Variants in CACNA2D3 observed in about 807,000 individuals in gnomAD.
The protein encoded by CACNA2D3 is voltage-dependent calcium channel subunit alpha-2/delta-3.
Under a neutral mutation model 160.6 loss-of-function variants are expected in CACNA2D3, and 60 were observed. The ratio of observed to expected loss-of-function variants is 0.37; its 90% CI spans 0.30 to 0.46. The LOEUF is 0.46. CACNA2D3 is among the 20% of genes least tolerant of loss of function. CACNA2D3 has a pLI of 1.00. For missense variants in CACNA2D3, 1,205 were observed against 1,365.0 expected, an observed-to-expected ratio of 0.88 and a Z score of 1.85; for synonymous variants, 558 against 492.9, an observed-to-expected ratio of 1.13 and a Z score of -1.75.
At chr3:54,138,132 C>T (rs1230183926) in intron 2 of CACNA2D3, among the ~76,000 whole-genome samples, 1 of 152,174 alleles carries the variant, frequency 6.6e-6, no homozygotes. Flanking sequence ...TGTGACTTGC[C>T]CAGGGCAACA....
At chr3:54,642,276 T>C (rs765741343) in intron 11 of CACNA2D3, 35 bp downstream of exon 11, 1 of 1,255,466 alleles carries the variant, frequency 8.0e-7, no homozygotes, top group East Asian at 2.5e-5. Context: ...TGCGGTGGAC[T>C]CCTTGAGAAT....
chr3:54,646,184 CTCCTTCCTTGCTTCCTTCCTTCCTTCCT>C (rs1174578115), intron 11 of CACNA2D3, among the ~76,000 whole-genome samples: 467 of 14,890 alleles, frequency 0.031, 28 homozygotes, highest in African/African-American at 0.092. Flanking sequence ...CCCTCCCTCC[CTCCTTCCTTGCTTCCTTCCTTCCTTCCT>C]TCCTTCCTTC....
intron 2 of CACNA2D3, among the ~76,000 whole-genome samples, chr3:54,188,089 G>T (rs1319005349): frequency 6.6e-6 from 1 of 152,152 alleles, no homozygotes; most frequent in East Asian, 1.9e-4. Context: ...CCAACCAGCT[G>T]CTCAGAACAC....
At chr3:54,285,002 G>A (rs1008208580) in intron 2 of CACNA2D3, among the ~76,000 whole-genome samples, 7 of 152,206 alleles carry the variant, frequency 4.6e-5, no homozygotes, top group Non-Finnish European at 1.0e-4. Flanking sequence ...CCCAGCATGA[G>A]CGATGCAGAA....
At chr3:54,643,143 G>A (rs751475048) in intron 11 of CACNA2D3, among the ~76,000 whole-genome samples, 9 of 152,138 alleles carry the variant, frequency 5.9e-5, no homozygotes, top group Non-Finnish European at 7.4e-5. Context: ...ATAGGTACAC[G>A]AGTCAGTCCA....
At chr3:54,465,974 C>T (rs1223511789) in intron 4 of CACNA2D3, among the ~76,000 whole-genome samples, 3 of 152,226 alleles carry the variant, frequency 2.0e-5, no homozygotes, top group East Asian at 1.9e-4. Context: ...TGAGGTCCCC[C>T]CTGCCTTGCT....
At chr3:54,997,191 A>G (rs1021348108) in intron 31 of CACNA2D3, among the ~76,000 whole-genome samples, 3 of 152,184 alleles carry the variant, frequency 2.0e-5, no homozygotes, top group Non-Finnish European at 4.4e-5. Context: ...AATAAAATAA[A>G]TAAAGTCCAG....
At chr3:54,673,103 G>C (rs1700188189) in intron 11 of CACNA2D3, among the ~76,000 whole-genome samples, 1 of 152,202 alleles carries the variant, frequency 6.6e-6, no homozygotes, top group Admixed American at 6.5e-5. Flanking sequence ...TGTCTTTGGA[G>C]ATGGAATCAA....
intron 13 of CACNA2D3, among the ~76,000 whole-genome samples, chr3:54,808,343 C>G (rs1327317988): frequency 2.0e-5 from 3 of 152,182 alleles, no homozygotes; most frequent in African/African-American, 4.8e-5. Context: ...GTGCTGAGCT[C>G]TGCCATGTCA....
At chr3:54,825,292 G>A (rs908968405) in intron 14 of CACNA2D3, among the ~76,000 whole-genome samples, 4 of 152,152 alleles carry the variant, frequency 2.6e-5, no homozygotes, top group African/African-American at 9.7e-5. Context: ...GTAGAGGATC[G>A]AGGAAAGTTA....
intron 26 of CACNA2D3, among the ~76,000 whole-genome samples, chr3:54,898,346 C>T (rs556923927): frequency 1.4e-4 from 22 of 151,812 alleles, no homozygotes; most frequent in African/African-American, 4.6e-4. Context: ...CCTCAGCCTC[C>T]TCAGTAGCTG....
chr3:55,050,178 G>C (rs1704164133), intron 35 of CACNA2D3, among the ~76,000 whole-genome samples: 1 of 150,436 alleles, frequency 6.6e-6, no homozygotes, highest in Non-Finnish European at 1.5e-5. Flanking sequence ...CTCATTAGTT[G>C]ATGCAGTTTC....
chr3:54,776,897 T>C (rs572122175), intron 13 of CACNA2D3, among the ~76,000 whole-genome samples: 1 of 152,144 alleles, frequency 6.6e-6, no homozygotes, highest in Non-Finnish European at 1.5e-5. Context: ...GAGGAAGATA[T>C]TTTGGCCAAC....
chr3:54,883,336 A>G (rs1207063706), intron 21 of CACNA2D3, among the ~76,000 whole-genome samples: 2 of 152,168 alleles, frequency 1.3e-5, no homozygotes, highest in African/African-American at 2.4e-5. Context: ...TGTATCTTTT[A>G]TATGTATTGC....
At chr3:54,490,548 A>C (rs995233013) in intron 4 of CACNA2D3, among the ~76,000 whole-genome samples, 11 of 152,182 alleles carry the variant, frequency 7.2e-5, no homozygotes, top group Admixed American at 2.6e-4. Context: ...CCTAAGTGGT[A>C]CAGACAAGGA....
rs566655436 is a variant in CACNA2D3 at position 54,240,136 on chromosome 3, A to C, written c.205-80306A>C. Among the ~76,000 whole-genome samples the C allele has an allele frequency of 1.3e-3, 197 of 152,346 alleles. 1 individual carries two copies. The highest frequency in any genetic ancestry group is 2.3e-3 in the Non-Finnish European group (158 of 68,030). On this transcript the variant is annotated intron_variant, in intron 2 of 37. Coordinates refer to ENST00000474759, the MANE Select transcript of CACNA2D3 (RefSeq NM_018398.3). ...GTCCAAAGTATTAAAGGGGCTCTCTACGTAAGAGGGAGTTTGGAATAGTCA... is the reference window on the plus strand; with the variant it reads ...GTCCAAAGTATTAAAGGGGCTCTCTCCGTAAGAGGGAGTTTGGAATAGTCA...
intron 6 of CACNA2D3, among the ~76,000 whole-genome samples, chr3:54,566,861 A>C (rs1048350802): frequency 1.3e-5 from 2 of 152,206 alleles, no homozygotes; most frequent in African/African-American, 4.8e-5. Context: ...ACAGCTAAGT[A>C]AAGAGTTCTC....
chr3:55,022,281 A>G (rs1226081894), intron 35 of CACNA2D3, among the ~76,000 whole-genome samples: 3 of 152,086 alleles, frequency 2.0e-5, no homozygotes, highest in East Asian at 3.9e-4. Flanking sequence ...GCAGAGGTAC[A>G]CTAGCTCTAT....
rs754532820 is a variant in CACNA2D3, at chr3:54,562,951, C to T, written c.676+20C>T. 45 of 1,609,126 alleles carry T rather than the reference C, an allele frequency of 2.8e-5. No individual in the cohort carries two copies. The highest frequency in any genetic ancestry group is 3.7e-5 in the Non-Finnish European group (44 of 1,176,418). ...ATCCGGGTGAGTATACCTGCATTGA[C>T]AGTTATGACTCAGATTAATGATAAC... On this transcript the variant is annotated intron_variant, in intron 6 of 37. Coordinates refer to ENST00000474759, the MANE Select transcript of CACNA2D3 (RefSeq NM_018398.3).
Sources: allele counts gnomAD v4.1 joint callset (sites outside exome capture counted in the v4.1 genomes callset), GRCh38; gene constraint gnomAD v4.1.1; transcripts MANE v1.5; gene names NCBI Gene and HGNC (gene_info 2026-07-23, HGNC 2026-07-21).